AFAP1: variants seen among roughly 807,000 people sequenced by gnomAD.
AFAP1 encodes actin filament associated protein 1.
In AFAP1, 75 loss-of-function variants were observed where a neutral mutation model predicts 93.9. The observed-to-expected ratio is 0.80, with a 90% CI of 0.66 to 0.97. AFAP1 has a LOEUF of 0.97. Among genes scored for constraint, AFAP1 ranks in the 50% least tolerant of loss-of-function variants. The pLI is 0.00. For missense variants in AFAP1, 1,201 were observed against 1,050.8 expected (o/e 1.14, Z -1.98); for synonymous variants, 517 against 430.7 (o/e 1.20, Z -2.48).
chr4:7,794,732 C>T (rs1032631762), intron 10 of AFAP1, among the ~76,000 whole-genome samples: 1 of 152,006 alleles, frequency 6.6e-6, no homozygotes, highest in African/African-American at 2.4e-5. Flanking sequence ...CACCATCTTG[C>T]CCAGGCTGGT....
In AFAP1 at chr4:7,868,639, T is replaced by C. The variant is rs1716703043; in HGVS notation, c.208A>G (p.Ile70Val). The change falls in exon 3 of 18, where the codon ATC becomes GTC. Residue 70 changes from isoleucine to valine, a missense_variant. Physicochemically the swap from Ile to Val is conservative, Grantham distance 29. Transcript: ENST00000420658. Reference protein sequence around the residue: ...PAPPQMPLPEIPQPWLPPDSG... With the variant: ...PAPPQMPLPEVPQPWLPPDSG... ...TGACTCACCAGCCAGGGCTGAGGGATCTCCGGCAGGGGCATCTGAGGAGGG... is the reference window on the plus strand; with the variant it reads ...TGACTCACCAGCCAGGGCTGAGGGACCTCCGGCAGGGGCATCTGAGGAGGG... The C allele has an allele frequency of 6.2e-7, 1 of 1,612,292 alleles. No homozygotes were observed. The highest frequency in any genetic ancestry group is 1.7e-4 in the Middle Eastern group (1 of 6,058).
intron 3 of AFAP1, among the ~76,000 whole-genome samples, chr4:7,861,793 C>A (rs774849748): frequency 3.6e-4 from 55 of 152,270 alleles, no homozygotes; most frequent in Non-Finnish European, 7.1e-4. Flanking sequence ...ATGAAAAAGG[C>A]AAACAAGATG....
intron 12 of AFAP1, among the ~76,000 whole-genome samples, chr4:7,783,647 T>C (rs1238855086): frequency 1.3e-5 from 2 of 152,258 alleles, no homozygotes; most frequent in Non-Finnish European, 2.9e-5. Context: ...CAGACCTTTG[T>C]TTCTACAACA....
intron 14 of AFAP1, chr4:7,778,279 C>A: frequency 5.6e-6 from 1 of 178,350 alleles, no homozygotes; most frequent in Non-Finnish European, 1.2e-5. Flanking sequence ...GCAGGATAAC[C>A]ATTCCTCAGA....
rs1713237375 is a variant in AFAP1 at position 7,842,990 on chromosome 4, C to T, written c.546+149G>A. On this transcript the variant is annotated intron_variant, in intron 5 of 17. Transcript: ENST00000420658. ...CCTGATGGCATGTGGGGGCCCCTGGCATGGTACTGCGGCTAGCTCAGGGCA... is the reference window on the plus strand; with the variant it reads ...CCTGATGGCATGTGGGGGCCCCTGGTATGGTACTGCGGCTAGCTCAGGGCA... The T allele has an allele frequency of 2.6e-5, 22 of 831,138 alleles. No homozygotes were observed. In the South Asian group the frequency reaches 3.8e-4, roughly 14 times the overall value. 51.5% of individuals were successfully genotyped at this position (831,138 alleles called of 1,614,324 possible). A position where few individuals can be genotyped will look rare whatever the true frequency, so the allele number is the denominator to read the frequency against.
chr4:7,819,206 A>G, intron 6 of AFAP1, 35 bp from the exon 7 acceptor site: 2 of 1,560,626 alleles, frequency 1.3e-6, no homozygotes, highest in Non-Finnish European at 1.7e-6. Flanking sequence ...GAGTATGCCC[A>G]AAGGCAGAGA....
intron 16 of AFAP1, chr4:7,772,583 A>T: frequency 1.9e-6 from 1 of 529,522 alleles, no homozygotes; most frequent in African/African-American, 1.9e-5. Flanking sequence ...GGAAAGACAC[A>T]GACTCAGCAT....
intron 1 of AFAP1, among the ~76,000 whole-genome samples, chr4:7,880,690 C>T (rs1304147519): frequency 6.6e-6 from 1 of 152,200 alleles, no homozygotes; most frequent in Admixed American, 6.5e-5. Context: ...ACCAGACCGC[C>T]AGTCAAAGCG....
Position 7,843,152 on chromosome 4 carries a change from T to C in AFAP1, c.533A>G (p.Asp178Gly), listed in dbSNP as rs201221078. 1.2e-6 allele frequency: 2 copies of C among 1,614,010 alleles called. No individual in the cohort carries two copies. Among genetic ancestry groups the C allele is most frequent in the East Asian group, 2.2e-5 (1 of 44,884 alleles). ...CAAATGTCTTACCAGCAGTTTGGTG[T>C]CTTTGATGACGCAGAGCAACTTGGT... is the stretch of plus-strand genomic sequence containing the variant. Reference protein sequence around the residue: ...QWTKLLCVIKDTKLLCYKSSK... With the variant: ...QWTKLLCVIKGTKLLCYKSSK... Residue 178 changes from aspartate to glycine, a missense_variant, in exon 5 of 18, where the codon GAC (aspartate) becomes GGC (glycine). By Grantham distance (94) the Asp-to-Gly change is moderately conservative. Coordinates refer to ENST00000420658, the MANE Select transcript of AFAP1 (RefSeq NM_001134647.2).
At chr4:7,937,156 A>G (rs1336595952) in intron 1 of AFAP1, among the ~76,000 whole-genome samples, 1 of 152,262 alleles carries the variant, frequency 6.6e-6, no homozygotes, top group Non-Finnish European at 1.5e-5. Flanking sequence ...GATATTGCCA[A>G]AAAGTTGCTT....
At chr4:7,829,418 T>C (rs1006506625) in intron 6 of AFAP1, among the ~76,000 whole-genome samples, 28 of 152,170 alleles carry the variant, frequency 1.8e-4, no homozygotes, top group African/African-American at 6.5e-4. Flanking sequence ...TCCTACCACT[T>C]CCCTGAGGCC....
intron 9 of AFAP1, among the ~76,000 whole-genome samples, chr4:7,807,601 G>A (rs559540671): frequency 1.3e-5 from 2 of 152,162 alleles, no homozygotes; most frequent in Admixed American, 6.5e-5. Flanking sequence ...CAGGCTCCTC[G>A]GTTACCCTTA....
At chr4:7,882,089 A>G (rs1050945889) in intron 1 of AFAP1, among the ~76,000 whole-genome samples, 3 of 152,120 alleles carry the variant, frequency 2.0e-5, no homozygotes, top group African/African-American at 7.2e-5. Context: ...ACACGACCCC[A>G]TACCTCCTGT....
chr4:7,932,758 A>T (rs1277187389), intron 1 of AFAP1, among the ~76,000 whole-genome samples: 1 of 152,166 alleles, frequency 6.6e-6, no homozygotes, highest in African/African-American at 2.4e-5. Flanking sequence ...GCAGTGGCTC[A>T]CGCCTGTAAT....
intron 2 of AFAP1, among the ~76,000 whole-genome samples, chr4:7,868,928 A>G (rs1716740244): frequency 1.3e-5 from 2 of 151,194 alleles, no homozygotes; most frequent in South Asian, 4.2e-4. Flanking sequence ...AAAGAAAAGA[A>G]AAGAGAAAGA....
At chr4:7,848,148 C>G (rs1242440015) in intron 4 of AFAP1, among the ~76,000 whole-genome samples, 1 of 85,118 alleles carries the variant, frequency 1.2e-5, no homozygotes, top group East Asian at 3.4e-4. Context: ...AGGGAGTGAA[C>G]AGGTAGATGG....
rs747673001 is a variant in AFAP1, at chr4:7,816,080, G to T, written c.842C>A (p.Pro281His). 8 of 1,612,546 alleles carry T rather than the reference G, an allele frequency of 5.0e-6. No homozygotes were observed. Among genetic ancestry groups the T allele is most frequent in the Non-Finnish European group, 6.8e-6 (8 of 1,179,532 alleles). The change falls in exon 8 of 18, where the codon CCC becomes CAC. Residue 281 changes from proline to histidine, a missense_variant. Pro to His is a moderately conservative substitution (Grantham distance 77). Coordinates refer to ENST00000420658, the MANE Select transcript of AFAP1 (RefSeq NM_001134647.2). Reference protein sequence around the residue: ...ELEKKLSSERPSSDGEGVVEN... With the variant: ...ELEKKLSSERHSSDGEGVVEN... ...CACAACACCCTCCCCATCTGAGCTG[G>T]GTCTCTCTGAAGACAGTTTCTGTAA...
chr4:7,845,470 G>T (rs1368599841), intron 4 of AFAP1, among the ~76,000 whole-genome samples: 1 of 152,038 alleles, frequency 6.6e-6, no homozygotes, highest in Non-Finnish European at 1.5e-5. Context: ...AAAAGCTAAG[G>T]AGATTGAAGA....
intron 10 of AFAP1, 133 bp from the exon 11 acceptor site, chr4:7,793,959 G>C (rs6446619): frequency 0.16 from 168,719 of 1,040,784 alleles, 14,991 homozygotes; most frequent in African/African-American, 0.32. Context: ...CGAAAAGGAA[G>C]ATGGCTGAGC....
Sources: allele counts gnomAD v4.1 joint callset (sites outside exome capture counted in the v4.1 genomes callset), GRCh38; gene constraint gnomAD v4.1.1; transcripts MANE v1.5; gene names NCBI Gene and HGNC (gene_info 2026-07-23, HGNC 2026-07-21).